SLC9C1: variants seen among roughly 807,000 people sequenced by gnomAD.
SLC9C1 encodes sodium/hydrogen exchanger 10.
In SLC9C1, 97 loss-of-function variants were observed where a neutral mutation model predicts 140.9. The observed-to-expected ratio is 0.69, with a 90% CI of 0.58 to 0.82. SLC9C1 has a LOEUF of 0.82. Among genes scored for constraint, SLC9C1 ranks in the 40% least tolerant of loss-of-function variants. The pLI is 0.00. For synonymous variants in SLC9C1, 440 were observed against 442.6 expected (o/e 0.99, Z 0.07); for missense variants, 1,340 against 1,389.3 (o/e 0.96, Z 0.56).
intron 20 of SLC9C1, among the ~76,000 whole-genome samples, chr3:112,199,063 G>C (rs2077836782): frequency 6.6e-6 from 1 of 150,700 alleles, no homozygotes; most frequent in African/African-American, 2.4e-5. Flanking sequence ...ATGACGAATA[G>C]ATTCATCAGA....
chr3:112,250,940 T>C (rs545630773), intron 10 of SLC9C1, among the ~76,000 whole-genome samples: 1 of 152,164 alleles, frequency 6.6e-6, no homozygotes, highest in Non-Finnish European at 1.5e-5. Flanking sequence ...TATGCATGTG[T>C]ATGTTCATCA....
intron 26 of SLC9C1, among the ~76,000 whole-genome samples, chr3:112,161,359 G>C (rs2075292941): frequency 6.6e-6 from 1 of 152,176 alleles, no homozygotes; most frequent in Non-Finnish European, 1.5e-5. Context: ...CCTATGTCCT[G>C]AATGGTAATG....
At chr3:112,152,702 TTC>T (rs2075021251) in intron 27 of SLC9C1, among the ~76,000 whole-genome samples, 1 of 152,162 alleles carries the variant, frequency 6.6e-6, no homozygotes, top group Non-Finnish European at 1.5e-5. Context: ...CTCTGCGGCT[TTC>T]CACAGTGCAT....
chr3:112,180,349 C>T (rs1217616298), intron 22 of SLC9C1, among the ~76,000 whole-genome samples: 2 of 152,096 alleles, frequency 1.3e-5, no homozygotes, highest in Non-Finnish European at 2.9e-5. Flanking sequence ...CGGTGAAACC[C>T]CGTTTCCACT....
intron 19 of SLC9C1, among the ~76,000 whole-genome samples, chr3:112,199,732 G>C (rs2077859427): frequency 6.6e-6 from 1 of 151,992 alleles, no homozygotes; most frequent in Non-Finnish European, 1.5e-5. Context: ...GGATTAACAG[G>C]TATACTTTTC....
intron 28 of SLC9C1, among the ~76,000 whole-genome samples, chr3:112,149,019 C>T (rs2074882605): frequency 6.6e-6 from 1 of 151,970 alleles, no homozygotes; most frequent in African/African-American, 2.4e-5. Context: ...GCAGAGATGG[C>T]CCCCCTGCAC....
chr3:112,197,561 C>T (rs1448647285), intron 20 of SLC9C1, among the ~76,000 whole-genome samples: 1 of 152,092 alleles, frequency 6.6e-6, no homozygotes, highest in Non-Finnish European at 1.5e-5. Context: ...ATAAACATGA[C>T]AGAAATTAAC....
intron 22 of SLC9C1, among the ~76,000 whole-genome samples, chr3:112,179,933 C>T (rs940633613): frequency 6.6e-6 from 1 of 152,154 alleles, no homozygotes; most frequent in Non-Finnish European, 1.5e-5. Flanking sequence ...TTAATCTATA[C>T]CCATTTTAGG....
intron 10 of SLC9C1, 144 bp downstream of exon 10, chr3:112,262,780 C>T (rs1328964451): frequency 4.9e-6 from 3 of 611,430 alleles, no homozygotes; most frequent in African/African-American, 1.9e-5. Flanking sequence ...AGTTGTTCCT[C>T]CTCTCCCCGA....
chr3:112,292,700 C>T (rs6764824), intron 1 of SLC9C1, among the ~76,000 whole-genome samples: 101,376 of 150,990 alleles, frequency 0.67, 34,486 homozygotes, highest in East Asian at 1. Context: ...CCAGCCACCA[C>T]GCCCGGCTAA....
Position 112,208,359 on chromosome 3 carries a change from C to T in SLC9C1, c.1805G>A (p.Arg602His), listed in dbSNP as rs142600000. The change falls in exon 16 of 29, where the codon CGT (arginine) becomes CAT (histidine). Residue 602 changes from arginine to histidine, a missense_variant. Arg to His is a conservative substitution (Grantham distance 29). Coordinates refer to ENST00000305815, the MANE Select transcript of SLC9C1 (RefSeq NM_183061.3). Reference protein sequence around the residue: ...KEGPSKYFFFRICHTIVFTEE... With the variant: ...KEGPSKYFFFHICHTIVFTEE... Reference sequence around the variant, plus strand: ...AGTAAATACTATTGTATGGCATATACGAAAAAAGAAGTATCTGTAAAACAA... The same window carrying T: ...AGTAAATACTATTGTATGGCATATATGAAAAAAGAAGTATCTGTAAAACAA... The T allele has an allele frequency of 1.5e-4, 234 of 1,540,428 alleles. No individual in the cohort carries two copies. The highest frequency in any genetic ancestry group is 5.4e-4 in the African/African-American group (39 of 71,792).
At chr3:112,164,375 C>T (rs1449315928) in intron 26 of SLC9C1, among the ~76,000 whole-genome samples, 2 of 140,170 alleles carry the variant, frequency 1.4e-5, no homozygotes, top group African/African-American at 5.6e-5. Flanking sequence ...TCTCGATGGT[C>T]TTTACATTTT....
intron 17 of SLC9C1, among the ~76,000 whole-genome samples, chr3:112,203,705 T>A (rs988547796): frequency 1.3e-5 from 2 of 151,974 alleles, no homozygotes; most frequent in African/African-American, 4.8e-5. Flanking sequence ...ATTGAAATAA[T>A]CACACAGAAA....
In SLC9C1 at chr3:112,214,652, A is replaced by T. The variant is rs190734581; in HGVS notation, c.1790+2790T>A. On this transcript the variant is annotated intron_variant, in intron 15 of 28. Coordinates refer to ENST00000305815, the MANE Select transcript of SLC9C1 (RefSeq NM_183061.3). ...CTGGACAATACACCCTCCCAAGACT[A>T]AACCAGGAAGAATTTGAATCTCTGA... Among the ~76,000 whole-genome samples, 152 of 152,320 alleles carry T rather than the reference A, an allele frequency of 1.0e-3. 3 individuals are homozygous for T. In the East Asian group the frequency reaches 0.013, roughly 13 times the overall value.
At chr3:112,269,459 A>G (rs2080011963) in intron 7 of SLC9C1, among the ~76,000 whole-genome samples, 1 of 152,182 alleles carries the variant, frequency 6.6e-6, no homozygotes, top group Admixed American at 6.5e-5. Flanking sequence ...TCATGTTTGA[A>G]CAATGTTTGA....
chr3:112,292,829 C>T (rs142912240), intron 1 of SLC9C1, among the ~76,000 whole-genome samples: 2,937 of 151,726 alleles, frequency 0.019, 118 homozygotes, highest in African/African-American at 0.067. Flanking sequence ...AGGCGTGAGC[C>T]ACCACGCCCG....
intron 10 of SLC9C1, among the ~76,000 whole-genome samples, chr3:112,259,293 T>C (rs564281030): frequency 6.6e-6 from 1 of 151,808 alleles, no homozygotes; most frequent in Admixed American, 6.6e-5. Context: ...TGGGGACTAC[T>C]TGAAGGTGGA....
In SLC9C1 at chr3:112,286,797, A is replaced by G; in HGVS notation, c.-6T>C. On this transcript the variant is annotated 5_prime_UTR_variant, in exon 2 of 29. Transcript: ENST00000305815. The stretch of plus-strand genomic sequence containing the variant: ...TCCTTAAATATTCCAGCCATGTTTC[A>G]GAAAAATTTTTATGCAGATTTATGT... The G allele has an allele frequency of 6.8e-6, 11 of 1,608,646 alleles. No individual in the cohort carries two copies. The highest frequency in any genetic ancestry group is 9.3e-6 in the Non-Finnish European group (11 of 1,177,436).
chr3:112,286,683 TAAAG>T lies in SLC9C1; in HGVS notation c.88+17_88+20del, dbSNP rs71795396. On this transcript the variant is annotated intron_variant, in intron 2 of 28. Transcript: ENST00000305815. ...GATGTACCGGAAGAATAAACTCAGA[TAAAG>T]AGAGAGTGATACTTACCTCCAATGG... The T allele has an allele frequency of 2.1e-3, 3,258 of 1,583,504 alleles. 54 individuals carry two copies. In the African/African-American group the frequency reaches 0.037, roughly 18 times the overall value.
Sources: gnomAD v4.1 joint callset for allele counts (sites outside exome capture counted in the v4.1 genomes callset) on GRCh38, gnomAD v4.1.1 for gene constraint, MANE v1.5 for transcripts, NCBI Gene and HGNC (gene_info 2026-07-23, HGNC 2026-07-21) for gene names.